The following INPP5A variants were observed in gnomAD, a reference collection of about 807,000 sequenced individuals.
The protein encoded by INPP5A is inositol polyphosphate-5-phosphatase A.
A neutral mutation model predicts 65.2 loss-of-function variants in INPP5A; 14 were observed. The ratio of observed to expected loss-of-function variants is 0.21; its 90% CI spans 0.14 to 0.34. The LOEUF (loss-of-function observed/expected upper bound fraction) is 0.34, where lower values mean the gene tolerates loss of function less well. INPP5A is among the 10% of genes least tolerant of loss of function. The pLI, the probability that INPP5A is intolerant of heterozygous loss-of-function variation, is 1.00. For synonymous variants in INPP5A, 207 were observed against 208.3 expected, an observed-to-expected ratio of 0.99 and a Z score of 0.05; for missense variants, 431 against 545.6, an observed-to-expected ratio of 0.79 and a Z score of 2.09.
intron 8 of INPP5A, among the ~76,000 whole-genome samples, chr10:132,717,427 G>A (rs1311138069): frequency 2.0e-5 from 3 of 151,516 alleles, no homozygotes; most frequent in African/African-American, 7.4e-5. Flanking sequence ...CAGCCTGGCT[G>A]CCCCAGGCAC....
intron 6 of INPP5A, among the ~76,000 whole-genome samples, chr10:132,701,127 G>C (rs150640835): frequency 6.6e-6 from 1 of 152,160 alleles, no homozygotes; most frequent in South Asian, 2.1e-4. Flanking sequence ...TCTTTTCTCC[G>C]TGGCGATTTA....
intron 1 of INPP5A, among the ~76,000 whole-genome samples, chr10:132,562,694 C>T (rs2057649474): frequency 6.6e-6 from 1 of 152,252 alleles, no homozygotes; most frequent in South Asian, 2.1e-4. Context: ...TCCCTCAGAG[C>T]CCACGGCACT....
chr10:132,541,572 A>G (rs982418681), intron 1 of INPP5A, among the ~76,000 whole-genome samples: 1 of 152,206 alleles, frequency 6.6e-6, no homozygotes. Context: ...TATGTTGGTT[A>G]TAACTACCAA....
intron 12 of INPP5A, among the ~76,000 whole-genome samples, chr10:132,775,927 T>C (rs1417292757): frequency 6.6e-6 from 1 of 152,132 alleles, no homozygotes; most frequent in Non-Finnish European, 1.5e-5. Flanking sequence ...GCTTCCTATT[T>C]AGAAGTCACC....
In INPP5A at chr10:132,549,178, G is replaced by A. The variant is rs1410264589; in HGVS notation, c.75+11007G>A. Reference sequence around the variant, plus strand: ...CAGTCGCCCACAGATGGACGTCGGGGCTATCGTGGCTAGTGTACTGTTTGT... The same window carrying A: ...CAGTCGCCCACAGATGGACGTCGGGACTATCGTGGCTAGTGTACTGTTTGT... On this transcript the variant is annotated intron_variant, in intron 1 of 15. Transcript: ENST00000368594. This position sits in a 1 kb window ranked among gnomAD's most constrained non-coding sequence, Gnocchi z 4.9. 2.0e-5 allele frequency among the ~76,000 whole-genome samples: 3 copies of A among 152,164 alleles called. No homozygotes were observed. The highest frequency in any genetic ancestry group is 7.2e-5 in the African/African-American group (3 of 41,440).
At position 132,549,245 on chromosome 10, in the gene INPP5A, A is replaced by G. The variant is rs1368542479; in HGVS notation, c.75+11074A>G. On this transcript the variant is annotated intron_variant, in intron 1 of 15. Transcript: ENST00000368594. The surrounding 1 kb of genome is among the most constrained non-coding windows in gnomAD (Gnocchi z 4.9). ...GTGTGGACGAGGGTGTCACTGCTCT[A>G]GGGCTGGCCGAGTGGTCACTCTGTG... Among the ~76,000 whole-genome samples, 1 of 151,726 alleles carries G rather than the reference A, an allele frequency of 6.6e-6. No individual in the cohort carries two copies. Among genetic ancestry groups the G allele is most frequent in the Non-Finnish European group, 1.5e-5 (1 of 67,900 alleles).
At chr10:132,607,792 C>T (rs1239954164) in intron 1 of INPP5A, 123 bp from the exon 2 acceptor site, 14 of 948,648 alleles carry the variant, frequency 1.5e-5, no homozygotes, top group Admixed American at 5.8e-5. Context: ...CTCCTCCATG[C>T]GGGGTGGGCC....
chr10:132,607,656 C>T (rs1020958269), intron 1 of INPP5A, among the ~76,000 whole-genome samples: 5 of 152,236 alleles, frequency 3.3e-5, no homozygotes, highest in Admixed American at 1.3e-4. Context: ...GGGGGCTGCG[C>T]GACGCTGCCC....
chr10:132,677,508 CAGAG>C (rs550244188), intron 4 of INPP5A, among the ~76,000 whole-genome samples: 211 of 152,360 alleles, frequency 1.4e-3, no homozygotes, highest in South Asian at 8.9e-3. Flanking sequence ...CGCAGTGTGA[CAGAG>C]AGCCCAGTGC....
intron 2 of INPP5A, among the ~76,000 whole-genome samples, chr10:132,618,239 G>T (rs2072066518): frequency 6.6e-6 from 1 of 152,256 alleles, no homozygotes; most frequent in Admixed American, 6.5e-5. Flanking sequence ...GTTCAGGGAA[G>T]AATCCAGAAT....
Position 132,765,878 on chromosome 10 carries a change from G to A in INPP5A, c.977+32G>A, listed in dbSNP as rs756751189. 6.5e-6 allele frequency: 9 copies of A among 1,384,400 alleles called. No homozygotes were observed. In the East Asian group the frequency reaches 6.8e-5, roughly 11 times the overall value. The allele number at this position is 1,384,400 out of a possible 1,614,324, so 85.8% of individuals were successfully genotyped here. On this transcript the variant is annotated intron_variant, in intron 12 of 15. Transcript: ENST00000368594. ...AACATGCTGTTTGCTGGATGAACCC[G>A]GCCGGGAAGGTGGCGTCTCCACCCT...
Position 132,603,864 on chromosome 10 carries a change from C to A in INPP5A, c.76-4051C>A, listed in dbSNP as rs1021378400. Reference sequence around the variant, plus strand: ...TGTGGGTCACTGTGGTCTTTCCTTTCTGACTTCTGGGCTCTGCTGCATCAC... The same window carrying A: ...TGTGGGTCACTGTGGTCTTTCCTTTATGACTTCTGGGCTCTGCTGCATCAC... On this transcript the variant is annotated intron_variant, in intron 1 of 15. Transcript: ENST00000368594. The surrounding 1 kb of genome is among the most constrained non-coding windows in gnomAD (Gnocchi z 4.2). Among the ~76,000 whole-genome samples the A allele has an allele frequency of 6.6e-6, 1 of 151,994 alleles. No homozygotes were observed. Among genetic ancestry groups the A allele is most frequent in the Admixed American group, 6.6e-5 (1 of 15,266 alleles).
At chr10:132,756,281 T>C (rs974337597) in intron 11 of INPP5A, among the ~76,000 whole-genome samples, 1 of 152,030 alleles carries the variant, frequency 6.6e-6, no homozygotes, top group Non-Finnish European at 1.5e-5. Flanking sequence ...TACGCATGCG[T>C]GTGCATGTGC....
At position 132,766,140 on chromosome 10, in the gene INPP5A, G is replaced by C. The variant is rs538382232; in HGVS notation, c.977+294G>C. 5.3e-5 allele frequency among the ~76,000 whole-genome samples: 8 copies of C among 150,538 alleles called. No individual in the cohort carries two copies. The East Asian group carries it at 7.7e-4, about 15-fold the overall frequency. On this transcript the variant is annotated intron_variant, in intron 12 of 15. Coordinates refer to ENST00000368594, the MANE Select transcript of INPP5A (RefSeq NM_005539.5). ...TGCACCTGTGCATCTGTGTGTGCAC[G>C]TGTGCATCTGTGTGTGCACGTGTGT... is the stretch of plus-strand genomic sequence containing the variant.
rs747190085 is a variant in INPP5A at position 132,781,942 on chromosome 10, CGTG to C, written c.*7_*7+2del. 6 of 1,613,532 alleles carry C rather than the reference CGTG, an allele frequency of 3.7e-6. No homozygotes were observed. Among genetic ancestry groups the C allele is most frequent in the Middle Eastern group, 1.7e-4 (1 of 6,060 alleles). On this transcript the variant is annotated 3_prime_UTR_variant, in exon 15 of 16. Coordinates refer to ENST00000368594, the MANE Select transcript of INPP5A (RefSeq NM_005539.5). ...GCACAAGTGTTGTGTCGTGCAGTGACGTGGTGGTAAATATGACTCCTCCCTCCA... is the reference window on the plus strand; with the variant it reads ...GCACAAGTGTTGTGTCGTGCAGTGACGTGGTAAATATGACTCCTCCCTCCA...
chr10:132,552,847 C>T (rs112439038), intron 1 of INPP5A, among the ~76,000 whole-genome samples: 128 of 66,738 alleles, frequency 1.9e-3, no homozygotes, highest in Middle Eastern at 0.012. Context: ...TTGAGTAGGA[C>T]AGGGAGGGAG....
Position 132,663,592 on chromosome 10 carries a change from A to C in INPP5A, c.306+13087A>C, listed in dbSNP as rs2072764124. On this transcript the variant is annotated intron_variant, in intron 4 of 15. Coordinates refer to ENST00000368594, the MANE Select transcript of INPP5A (RefSeq NM_005539.5). The surrounding 1 kb of genome is among the most constrained non-coding windows in gnomAD (Gnocchi z 4.5). The stretch of plus-strand genomic sequence containing the variant: ...TAACATTATTCCCACTCAATGAGTG[A>C]TTTTGGTCGACGTTCACCTGTACTT... Among the ~76,000 whole-genome samples, 1 of 152,180 alleles carries C rather than the reference A, an allele frequency of 6.6e-6. No homozygotes were observed. Among genetic ancestry groups the C allele is most frequent in the Admixed American group, 6.5e-5 (1 of 15,276 alleles).
chr10:132,588,889 C>T (rs1446692892), intron 1 of INPP5A, among the ~76,000 whole-genome samples: 1 of 148,060 alleles, frequency 6.8e-6, no homozygotes, highest in African/African-American at 2.5e-5. Flanking sequence ...ATGGTGGTCA[C>T]TGTTTCTTGG....
chr10:132,606,354 G>A (rs1371326956), intron 1 of INPP5A, among the ~76,000 whole-genome samples: 3 of 152,168 alleles, frequency 2.0e-5, no homozygotes, highest in Admixed American at 6.5e-5. Context: ...GGACAGTGGC[G>A]TGGGCTGATG....
Sources: gnomAD v4.1 joint callset for allele counts (sites outside exome capture counted in the v4.1 genomes callset) on GRCh38, gnomAD v4.1.1 for gene constraint, Gnocchi (gnomAD v3.1) non-coding constraint, MANE v1.5 for transcripts, NCBI Gene and HGNC (gene_info 2026-07-23, HGNC 2026-07-21) for gene names.